The following NSD1 variants were observed in gnomAD, a reference collection of about 807,000 sequenced individuals.
NSD1 encodes the protein histone-lysine N-methyltransferase, H3 lysine-36 specific.
Under a neutral mutation model 242.7 loss-of-function variants are expected in NSD1, and 26 were observed. The ratio of observed to expected loss-of-function variants is 0.11; its 90% CI spans 0.08 to 0.15. The LOEUF (loss-of-function observed/expected upper bound fraction) is 0.15, where lower values mean the gene tolerates loss of function less well. Among genes scored for constraint, NSD1 ranks in the 10% least tolerant of loss-of-function variants. NSD1 has a pLI of 1.00. For missense variants in NSD1, 2,495 were observed against 3,272.8 expected (o/e 0.76, Z 5.80); for synonymous variants, 1,106 against 1,178.1 (o/e 0.94, Z 1.25).
At chr5:177,290,773 T>G (rs1186938158) in intron 21 of NSD1, among the ~76,000 whole-genome samples, 1 of 152,222 alleles carries the variant, frequency 6.6e-6, no homozygotes, top group East Asian at 1.9e-4. Flanking sequence ...ACCTCTATAT[T>G]ATACTGGATT....
intron 2 of NSD1, among the ~76,000 whole-genome samples, chr5:177,143,104 G>A (rs1467028294): frequency 6.6e-6 from 1 of 152,180 alleles, no homozygotes; most frequent in East Asian, 1.9e-4. Context: ...TACAGTTTGG[G>A]AAGGGGAGTG....
chr5:177,160,149 C>T (rs1420914572), intron 2 of NSD1, among the ~76,000 whole-genome samples: 1 of 152,064 alleles, frequency 6.6e-6, no homozygotes, highest in African/African-American at 2.4e-5. Context: ...CCTCCGCCTT[C>T]CCAAGTGCTG....
intron 17 of NSD1, among the ~76,000 whole-genome samples, chr5:177,276,650 C>G (rs555204387): frequency 2.6e-5 from 4 of 152,138 alleles, no homozygotes; most frequent in East Asian, 3.9e-4. Flanking sequence ...TTTCTCCCCC[C>G]CTTTATTAGA....
At position 177,206,102 on chromosome 5, in the gene NSD1, C is replaced by T. The variant is rs1403493229; in HGVS notation, c.1236+1810C>T. On this transcript the variant is annotated intron_variant, in intron 4 of 22. Transcript: ENST00000439151. The stretch of plus-strand genomic sequence containing the variant: ...GCAACCTCTGCCTCCTGGGTTCAGG[C>T]GATTCTCATGCCTTAGCCTCCCAAA... Among the ~76,000 whole-genome samples, 3 of 152,092 alleles carry T rather than the reference C, an allele frequency of 2.0e-5. 1 individual carries two copies. Among genetic ancestry groups the T allele is most frequent in the African/African-American group, 7.2e-5 (3 of 41,426 alleles).
intron 5 of NSD1, among the ~76,000 whole-genome samples, chr5:177,228,809 C>T (rs1219067890): frequency 6.6e-6 from 1 of 152,100 alleles, no homozygotes; most frequent in South Asian, 2.1e-4. Context: ...CTGTGAAATT[C>T]GTACATTTTA....
At chr5:177,213,172 G>T (rs1364844927) in intron 5 of NSD1, among the ~76,000 whole-genome samples, 1 of 152,172 alleles carries the variant, frequency 6.6e-6, no homozygotes, top group East Asian at 1.9e-4. Context: ...ACATTACACA[G>T]TATACAGTTG....
Position 177,256,953 on chromosome 5 carries a change from A to G in NSD1, c.4768A>G (p.Ile1590Val). ...KFICNECRTG[I>V]HTCFVCKQSG... is the part of the protein sequence containing the mutation. ...TTTATCTTCTTTTGGCTTCTCAGGA[A>G]TCCATACCTGTTTTGTATGTAAGCA... The change falls in exon 13 of 23, where the codon ATC becomes GTC. Residue 1590 changes from isoleucine (I) to valine (V), a missense_variant and splice_region_variant. By Grantham distance (29) the Ile-to-Val change is conservative. Coordinates refer to ENST00000439151, the MANE Select transcript of NSD1 (RefSeq NM_022455.5). The G allele has an allele frequency of 1.2e-6, 2 of 1,613,192 alleles. No individual in the cohort carries two copies. The highest frequency in any genetic ancestry group is 1.7e-6 in the Non-Finnish European group (2 of 1,179,132).
At chr5:177,200,098 T>G (rs1197203703) in intron 3 of NSD1, among the ~76,000 whole-genome samples, 1 of 152,012 alleles carries the variant, frequency 6.6e-6, no homozygotes, top group Non-Finnish European at 1.5e-5. Context: ...TTAATGTTTT[T>G]TTTTTGTTTT....
chr5:177,213,820 A>G (rs1470288937), intron 5 of NSD1, among the ~76,000 whole-genome samples: 1 of 152,176 alleles, frequency 6.6e-6, no homozygotes, highest in Non-Finnish European at 1.5e-5. Flanking sequence ...TGTACATTTC[A>G]TAGAAATGGA....
intron 5 of NSD1, among the ~76,000 whole-genome samples, chr5:177,224,277 A>G (rs1764462259): frequency 6.6e-6 from 1 of 152,124 alleles, no homozygotes; most frequent in Admixed American, 6.6e-5. Flanking sequence ...TAGCAATATT[A>G]AGTCTTCCAA....
chr5:177,283,623 G>A (rs961420288), intron 19 of NSD1, among the ~76,000 whole-genome samples, 164 bp from the exon 20 acceptor site: 6 of 152,182 alleles, frequency 3.9e-5, no homozygotes, highest in African/African-American at 1.4e-4. Context: ...TGATGGTGCT[G>A]GTCCAGGGAT....
chr5:177,296,471 G>T lies in NSD1; in HGVS notation c.*1012G>T. On this transcript the variant is annotated 3_prime_UTR_variant, in exon 23 of 23. Coordinates refer to ENST00000439151, the MANE Select transcript of NSD1 (RefSeq NM_022455.5). Reference sequence around the variant, plus strand: ...AGTGGACATAGGGAATCTCTGGCAAGCTCTGAGCTAGACACACCAGCTTCA... The same window carrying T: ...AGTGGACATAGGGAATCTCTGGCAATCTCTGAGCTAGACACACCAGCTTCA... The T allele has an allele frequency of 4.3e-6, 1 of 233,306 alleles. No homozygotes were observed. Among genetic ancestry groups the T allele is most frequent in the Non-Finnish European group, 8.5e-6 (1 of 118,078 alleles). The allele number at this position is 233,306 out of a possible 1,614,324, so 14.5% of individuals were successfully genotyped here. A position where few individuals can be genotyped will look rare whatever the true frequency, so the allele number is the denominator to read the frequency against.
intron 2 of NSD1, among the ~76,000 whole-genome samples, chr5:177,179,484 G>A (rs1760480051): frequency 6.6e-6 from 1 of 152,154 alleles, no homozygotes; most frequent in Non-Finnish European, 1.5e-5. Flanking sequence ...CAAAGTGCTG[G>A]GATTATAGGC....
intron 5 of NSD1, among the ~76,000 whole-genome samples, chr5:177,227,109 T>C (rs924240527): frequency 6.6e-6 from 1 of 152,178 alleles, no homozygotes; most frequent in Non-Finnish European, 1.5e-5. Flanking sequence ...GTATGAGATA[T>C]TGCAAAATAA....
chr5:177,209,087 G>A (rs1484651112), intron 4 of NSD1, among the ~76,000 whole-genome samples: 2 of 152,116 alleles, frequency 1.3e-5, no homozygotes, highest in Non-Finnish European at 2.9e-5. Context: ...GTGTTTGTGA[G>A]ATCAGTCCTT....
intron 14 of NSD1, chr5:177,264,870 G>T: frequency 1.3e-6 from 1 of 766,166 alleles, no homozygotes; most frequent in South Asian, 1.3e-5. Context: ...GAATCTATAA[G>T]AAAGGTGATA....
intron 2 of NSD1, among the ~76,000 whole-genome samples, chr5:177,136,714 C>T (rs1180128171): frequency 6.6e-6 from 1 of 152,048 alleles, no homozygotes; most frequent in Non-Finnish European, 1.5e-5. Flanking sequence ...CTGCCTCACC[C>T]TCCCGAGTAG....
At chr5:177,131,939 G>C (rs1033721518), upstream of NSD1, among the ~76,000 whole-genome samples, 4 of 152,262 alleles carry the variant, frequency 2.6e-5, no homozygotes, top group Non-Finnish European at 5.9e-5. Context: ...CCTGAGGTGA[G>C]CTTCTTGGTG....
intron 12 of NSD1, among the ~76,000 whole-genome samples, chr5:177,253,583 C>A (rs1317529763): frequency 6.6e-6 from 1 of 152,074 alleles, no homozygotes; most frequent in Non-Finnish European, 1.5e-5. Context: ...TGAGAACATT[C>A]AAGTTTTTGG....
Sources: gnomAD v4.1 joint callset for allele counts (sites outside exome capture counted in the v4.1 genomes callset) on GRCh38, gnomAD v4.1.1 for gene constraint, MANE v1.5 for transcripts, NCBI Gene and HGNC (gene_info 2026-07-23, HGNC 2026-07-21) for gene names.